Variants in ERCC3 observed in about 807,000 individuals in gnomAD.
The protein encoded by ERCC3 is ERCC excision repair 3, TFIIH core complex helicase subunit.
In ERCC3, 66 loss-of-function variants were observed where a neutral mutation model predicts 94.2. The ratio of observed to expected loss-of-function variants is 0.70; its 90% CI spans 0.57 to 0.86. The LOEUF (loss-of-function observed/expected upper bound fraction) is 0.86, where lower values mean the gene tolerates loss of function less well. Ranked by LOEUF, ERCC3 falls within the 40% of genes least tolerant of loss-of-function variation. The pLI, the probability that ERCC3 is intolerant of heterozygous loss-of-function variation, is 0.00. For missense variants in ERCC3, 829 were observed against 987.1 expected (o/e 0.84, Z 2.15); for synonymous variants, 349 against 369.1 (o/e 0.95, Z 0.63).
intron 12 of ERCC3, among the ~76,000 whole-genome samples, chr2:127,267,442 T>C (rs1198708295): frequency 4.0e-5 from 6 of 151,658 alleles, no homozygotes; most frequent in South Asian, 2.1e-4. Flanking sequence ...TTTTTTTTTT[T>C]ATTTGTGTGA....
chr2:127,265,075 G>A (rs1482461584), intron 12 of ERCC3, among the ~76,000 whole-genome samples: 1 of 152,072 alleles, frequency 6.6e-6, no homozygotes, highest in Non-Finnish European at 1.5e-5. Flanking sequence ...TGGAACTCCT[G>A]ACCTCAGGTG....
chr2:127,294,120 A>T lies in ERCC3; in HGVS notation c.-39T>A. The T allele has an allele frequency of 1.9e-6, 3 of 1,600,226 alleles. No homozygotes were observed. Among genetic ancestry groups the T allele is most frequent in the Non-Finnish European group, 2.5e-6 (3 of 1,177,388 alleles). On this transcript the variant is annotated 5_prime_UTR_variant, in exon 1 of 15. An upstream open reading frame in the 5' UTR gains an earlier in-frame stop. Coordinates refer to ENST00000285398, the MANE Select transcript of ERCC3 (RefSeq NM_000122.2). The stretch of plus-strand genomic sequence containing the variant: ...GCAGAGAGAAGATGACCCCGCTCCC[A>T]CAGGCCCGCCGCGGCATCCGCTCTG...
chr2:127,259,553 C>A lies in ERCC3; in HGVS notation c.2065-105G>T. 1 of 1,481,048 alleles carries A rather than the reference C, an allele frequency of 6.8e-7. No individual in the cohort carries two copies. The highest frequency in any genetic ancestry group is 9.4e-7 in the Non-Finnish European group (1 of 1,069,048). 91.7% of individuals were successfully genotyped at this position (1,481,048 alleles called of 1,614,324 possible). On this transcript the variant is annotated intron_variant, in intron 13 of 14. Transcript: ENST00000285398. This position sits in a 1 kb window ranked among gnomAD's most constrained non-coding sequence, Gnocchi z 4.9. ...GCTTTGGTCACTTCCCTCCCCAGGC[C>A]CAGCCACCCTGGTGGCCAACAATGG...
Position 127,264,502 on chromosome 2 carries a change from A to T in ERCC3, c.1946-3156T>A, listed in dbSNP as rs1033951130. On this transcript the variant is annotated intron_variant, in intron 12 of 14. Transcript: ENST00000285398. The surrounding 1 kb of genome is among the most constrained non-coding windows in gnomAD (Gnocchi z 4.4). ...AAAACCTTTTTCTGTGTCTATTAGG[A>T]TAATTATATGCTTTTCATTTTTAAT... 1.3e-5 allele frequency among the ~76,000 whole-genome samples: 2 copies of T among 152,208 alleles called. No homozygotes were observed. The highest frequency in any genetic ancestry group is 2.9e-5 in the Non-Finnish European group (2 of 68,034).
In ERCC3 at chr2:127,289,426, G is replaced by A. The variant is rs752490818; in HGVS notation, c.733C>T (p.Pro245Ser). The A allele has an allele frequency of 2.5e-6, 4 of 1,613,028 alleles. No homozygotes were observed. Among genetic ancestry groups the A allele is most frequent in the East Asian group, 2.2e-5 (1 of 44,882 alleles). ...TCATAGAAGTCAAACAGGTCCATGGGGATGTCAGATTTACCCTGTGGATCT... is the reference window on the plus strand; with the variant it reads ...TCATAGAAGTCAAACAGGTCCATGGAGATGTCAGATTTACCCTGTGGATCT... ...VTDPQGKSDI[P>S]MDLFDFYEQM... The change falls in exon 6 of 15, where the codon CCC becomes TCC. Residue 245 changes from proline (P) to serine (S), a missense_variant. Physicochemically the swap from Pro to Ser is moderately conservative, Grantham distance 74. Coordinates refer to ENST00000285398, the MANE Select transcript of ERCC3 (RefSeq NM_000122.2).
intron 12 of ERCC3, among the ~76,000 whole-genome samples, chr2:127,263,576 T>C (rs1684259556): frequency 6.6e-6 from 1 of 152,204 alleles, no homozygotes; most frequent in African/African-American, 2.4e-5. Flanking sequence ...GGAAGACAGA[T>C]AATTTAACTT....
chr2:127,281,271 A>G (rs1684903017), intron 8 of ERCC3, among the ~76,000 whole-genome samples: 2 of 152,206 alleles, frequency 1.3e-5, no homozygotes, highest in African/African-American at 2.4e-5. Flanking sequence ...CCGAGAAGAA[A>G]GCCAAGCCCA....
chr2:127,261,643 T>C (rs1558947232), intron 12 of ERCC3: 1 of 394,066 alleles, frequency 2.5e-6, no homozygotes, highest in Non-Finnish European at 4.8e-6. Flanking sequence ...CAAGACAAAT[T>C]AATTATAAAT....
At chr2:127,287,727 C>A (rs556167823) in intron 7 of ERCC3, among the ~76,000 whole-genome samples, 1 of 152,270 alleles carries the variant, frequency 6.6e-6, no homozygotes, top group Admixed American at 6.5e-5. Context: ...TCCCAGCATG[C>A]CTGGCCCACA....
rs1685189244 is a variant in ERCC3 at position 127,289,415 on chromosome 2, C to A, written c.744G>T (p.Leu248=). The A allele has an allele frequency of 6.2e-7, 1 of 1,613,452 alleles. No individual in the cohort carries two copies. Among genetic ancestry groups the A allele is most frequent in the Non-Finnish European group, 8.5e-7 (1 of 1,179,960 alleles). ...PQGKSDIPMD[L]FDFYEQMDKD... ...TGTCCATTTGCTCATAGAAGTCAAA[C>A]AGGTCCATGGGGATGTCAGATTTAC... The change falls in exon 6 of 15, where the codon CTG becomes CTT. Residue 248 remains leucine (L), a synonymous_variant. Transcript: ENST00000285398.
chr2:127,294,043 C>T lies in ERCC3; in HGVS notation c.28+11G>A, dbSNP rs781343512. 6.9e-6 allele frequency: 11 copies of T among 1,605,470 alleles called. No homozygotes were observed. Among genetic ancestry groups the T allele is most frequent in the Non-Finnish European group, 8.5e-6 (10 of 1,179,052 alleles). On this transcript the variant is annotated intron_variant, in intron 1 of 14. Transcript: ENST00000285398. ...GCAGTCGTGGCTGAGCGTGCCCGCGCAACGTCTCACCGCGGTCCGCTCGGT... is the reference window on the plus strand; with the variant it reads ...GCAGTCGTGGCTGAGCGTGCCCGCGTAACGTCTCACCGCGGTCCGCTCGGT...
intron 12 of ERCC3, chr2:127,261,648 A>G (rs947289890): frequency 1.8e-5 from 7 of 391,988 alleles, no homozygotes; most frequent in Admixed American, 7.5e-5. Context: ...CAAATTAATT[A>G]TAAATGAGAG....
Position 127,264,687 on chromosome 2 carries a change from T to C in ERCC3, c.1946-3341A>G, listed in dbSNP as rs528448975. Among the ~76,000 whole-genome samples, 1 of 152,310 alleles carries C rather than the reference T, an allele frequency of 6.6e-6. No homozygotes were observed. The highest frequency in any genetic ancestry group is 1.9e-4 in the East Asian group (1 of 5,190). On this transcript the variant is annotated intron_variant, in intron 12 of 14. Transcript: ENST00000285398. The surrounding 1 kb of genome is among the most constrained non-coding windows in gnomAD (Gnocchi z 4.4). ...TTTTTGCGTCTGTGTTCATCAGGAA[T>C]ACTAGCCTGTAGTTTTTTCATCGTG...
chr2:127,266,949 C>G (rs1684395208), intron 12 of ERCC3, among the ~76,000 whole-genome samples: 1 of 152,180 alleles, frequency 6.6e-6, no homozygotes, highest in African/African-American at 2.4e-5. Context: ...CTCCCGAGCT[C>G]AGGCAATCTG....
At position 127,271,205 on chromosome 2, in the gene ERCC3, C is replaced by G. The variant is rs1684536245; in HGVS notation, c.1945+131G>C. The G allele has an allele frequency of 3.9e-6, 3 of 767,380 alleles. No homozygotes were observed. Among genetic ancestry groups the G allele is most frequent in the Non-Finnish European group, 7.1e-6 (3 of 421,276 alleles). 47.5% of individuals were successfully genotyped at this position (767,380 alleles called of 1,614,324 possible). Reference sequence around the variant, plus strand: ...TGGGCCATAAGGATCTAGGTCTTTGCTTTGGGATTCTCTCCCTCCAGAGTC... The same window carrying G: ...TGGGCCATAAGGATCTAGGTCTTTGGTTTGGGATTCTCTCCCTCCAGAGTC... On this transcript the variant is annotated intron_variant, in intron 12 of 14. Transcript: ENST00000285398. This position sits in a 1 kb window ranked among gnomAD's most constrained non-coding sequence, Gnocchi z 5.0.
chr2:127,259,447 A>G lies in ERCC3; in HGVS notation c.2066T>C (p.Val689Ala). ...CTCCATGCCAGCGAGTTTCGTGATC[A>G]CCTGCAAAGCCCAAGCCAGCAGACA... ...FLVDQGYSFKVITKLAGMEEE... is the reference protein window; with the variant it reads ...FLVDQGYSFKAITKLAGMEEE... The change falls in exon 14 of 15, where the codon GTG (valine) becomes GCG (alanine). Residue 689 changes from valine (V) to alanine (A), a missense_variant and splice_region_variant. Transcript: ENST00000285398. This position sits in a 1 kb window ranked among gnomAD's most constrained non-coding sequence, Gnocchi z 4.9. The G allele has an allele frequency of 6.2e-7, 1 of 1,614,008 alleles. No individual in the cohort carries two copies. Among genetic ancestry groups the G allele is most frequent in the Non-Finnish European group, 8.5e-7 (1 of 1,179,998 alleles).
chr2:127,280,717 G>C lies in ERCC3; in HGVS notation c.1343-86C>G. ...TTTTAAAATATTTTTTGTAGAGATGGGGTCTCATTATATTGCCCAGGCTGG... is the reference window on the plus strand; with the variant it reads ...TTTTAAAATATTTTTTGTAGAGATGCGGTCTCATTATATTGCCCAGGCTGG... On this transcript the variant is annotated intron_variant, in intron 8 of 14. Transcript: ENST00000285398. The surrounding 1 kb of genome is among the most constrained non-coding windows in gnomAD (Gnocchi z 6.3). 7.9e-7 allele frequency: 1 copy of C among 1,260,072 alleles called. No individual in the cohort carries two copies. The highest frequency in any genetic ancestry group is 1.1e-6 in the Non-Finnish European group (1 of 890,834). 78.1% of individuals were successfully genotyped at this position (1,260,072 alleles called of 1,614,324 possible).
chr2:127,275,900 C>G (rs1457310101), intron 10 of ERCC3, among the ~76,000 whole-genome samples: 1 of 152,078 alleles, frequency 6.6e-6, no homozygotes, highest in Non-Finnish European at 1.5e-5. Flanking sequence ...CGATACAAAA[C>G]CCGCCGCCTC....
Position 127,279,687 on chromosome 2 carries a change from G to A in ERCC3, c.1528-312C>T. 6.6e-6 allele frequency among the ~76,000 whole-genome samples: 1 copy of A among 152,108 alleles called. No individual in the cohort carries two copies. Among genetic ancestry groups the A allele is most frequent in the East Asian group, 1.9e-4 (1 of 5,194 alleles). On this transcript the variant is annotated intron_variant, in intron 9 of 14. Coordinates refer to ENST00000285398, the MANE Select transcript of ERCC3 (RefSeq NM_000122.2). This position sits in a 1 kb window ranked among gnomAD's most constrained non-coding sequence, Gnocchi z 4.7. Reference sequence around the variant, plus strand: ...TAAGGCAGGAGAATCACTTGCCCAGGAGGCGGAGGTTGCAGTGAGCCAAGA... The same window carrying A: ...TAAGGCAGGAGAATCACTTGCCCAGAAGGCGGAGGTTGCAGTGAGCCAAGA...
Sources: allele counts gnomAD v4.1 joint callset (sites outside exome capture counted in the v4.1 genomes callset), GRCh38; gene constraint gnomAD v4.1.1; non-coding constraint Gnocchi (gnomAD v3.1); transcripts MANE v1.5; gene names NCBI Gene and HGNC (gene_info 2026-07-23, HGNC 2026-07-21).